The following DPYD variants were observed in gnomAD, a reference collection of about 807,000 sequenced individuals.
DPYD encodes dihydropyrimidine dehydrogenase.
DPYD carries 109 observed loss-of-function variants against 116.2 expected under a neutral mutation model. The ratio of observed to expected loss-of-function variants is 0.94; its 90% CI spans 0.80 to 1.10. The LOEUF (loss-of-function observed/expected upper bound fraction) is 1.10. DPYD is among the 50% of genes least tolerant of loss of function. The probability of loss-of-function intolerance (pLI) is 0.00; values close to 1 mark genes in which losing one functional copy is unlikely to be tolerated. For missense variants in DPYD, 1,302 were observed against 1,254.5 expected, an observed-to-expected ratio of 1.04 and a Z score of -0.57; for synonymous variants, 440 against 432.0, an observed-to-expected ratio of 1.02 and a Z score of -0.23.
intron 20 of DPYD, among the ~76,000 whole-genome samples, chr1:97,166,868 A>T (rs57088535): frequency 1.1e-3 from 161 of 152,330 alleles, no homozygotes; most frequent in African/African-American, 3.8e-3. Flanking sequence ...TTCAAAGTTT[A>T]AAAAAGCAGA....
intron 18 of DPYD, among the ~76,000 whole-genome samples, chr1:97,255,135 T>A (rs1293869615): frequency 6.6e-6 from 1 of 152,158 alleles, no homozygotes; most frequent in African/African-American, 2.4e-5. Flanking sequence ...AAAGATAATA[T>A]ATGTTTTATT....
At chr1:97,583,367 G>A (rs1180063560) in intron 10 of DPYD, among the ~76,000 whole-genome samples, 1 of 152,086 alleles carries the variant, frequency 6.6e-6, no homozygotes, top group Non-Finnish European at 1.5e-5. Flanking sequence ...TGCACAATGT[G>A]CAGGTTAGTT....
At chr1:97,482,226 T>C (rs1445405496) in intron 13 of DPYD, among the ~76,000 whole-genome samples, 2 of 152,190 alleles carry the variant, frequency 1.3e-5, no homozygotes, top group East Asian at 3.8e-4. Flanking sequence ...TGTGGATGTA[T>C]CCAGTTCTTC....
intron 12 of DPYD, among the ~76,000 whole-genome samples, chr1:97,529,515 AAAC>A (rs1309733589): frequency 6.6e-6 from 1 of 152,180 alleles, no homozygotes; most frequent in African/African-American, 2.4e-5. Flanking sequence ...AGTCTACAAT[AAAC>A]ATAATTAATG....
At chr1:97,083,375 T>A (rs1649299553) in intron 21 of DPYD, among the ~76,000 whole-genome samples, 1 of 152,214 alleles carries the variant, frequency 6.6e-6, no homozygotes, top group Non-Finnish European at 1.5e-5. Flanking sequence ...CATATTCTCT[T>A]TGGTATTGCA....
chr1:97,522,075 G>A (rs1243987610), intron 12 of DPYD, among the ~76,000 whole-genome samples: 1 of 152,096 alleles, frequency 6.6e-6, no homozygotes, highest in African/African-American at 2.4e-5. Flanking sequence ...CTAAACTAAA[G>A]AGCTTCTGCA....
chr1:97,874,478 C>A (rs1671808253), intron 2 of DPYD, among the ~76,000 whole-genome samples: 1 of 151,796 alleles, frequency 6.6e-6, no homozygotes, highest in African/African-American at 2.4e-5. Context: ...ATACCATAAG[C>A]AAATTGATCT....
At chr1:97,500,992 A>G (rs1223676532) in intron 13 of DPYD, among the ~76,000 whole-genome samples, 1 of 152,068 alleles carries the variant, frequency 6.6e-6, no homozygotes, top group African/African-American at 2.4e-5. Flanking sequence ...TTAGCAGGCA[A>G]TTAGTCAACA....
intron 8 of DPYD, among the ~76,000 whole-genome samples, chr1:97,641,011 GA>G (rs1272845129): frequency 6.6e-6 from 1 of 152,114 alleles, no homozygotes. Context: ...TCTTCAATTT[GA>G]AAAGGGAGCC....
At chr1:97,230,381 G>A (rs1292902083) in intron 19 of DPYD, among the ~76,000 whole-genome samples, 1 of 152,150 alleles carries the variant, frequency 6.6e-6, no homozygotes, top group African/African-American at 2.4e-5. Context: ...GGTAATACAG[G>A]AACGGACAAC....
At chr1:97,466,977 A>C (rs2101839584) in intron 13 of DPYD, among the ~76,000 whole-genome samples, 1 of 152,358 alleles carries the variant, frequency 6.6e-6, no homozygotes, top group South Asian at 2.1e-4. Context: ...ATGGAAATAA[A>C]GGAAAAACTT....
chr1:97,123,589 G>A (rs550367411), intron 20 of DPYD, among the ~76,000 whole-genome samples: 37 of 151,998 alleles, frequency 2.4e-4, no homozygotes, highest in African/African-American at 8.9e-4. Flanking sequence ...TTTCTTTATT[G>A]GTCCTTTGAA....
intron 3 of DPYD, among the ~76,000 whole-genome samples, chr1:97,807,206 G>C (rs1431679422): frequency 1.3e-5 from 2 of 152,072 alleles, no homozygotes; most frequent in African/African-American, 4.8e-5. Flanking sequence ...TGGATAGTAA[G>C]AGTATGTTTA....
At chr1:97,868,801 C>T (rs1156562107) in intron 2 of DPYD, among the ~76,000 whole-genome samples, 1 of 151,730 alleles carries the variant, frequency 6.6e-6, no homozygotes, top group Non-Finnish European at 1.5e-5. Context: ...TAACATATCC[C>T]ATAAAAATAA....
intron 8 of DPYD, among the ~76,000 whole-genome samples, chr1:97,667,817 G>A (rs1659645305): frequency 6.6e-6 from 1 of 152,040 alleles, no homozygotes; most frequent in Non-Finnish European, 1.5e-5. Context: ...ACCATCCAAT[G>A]TCCATTGATT....
At chr1:97,275,550 G>T (rs1387640815) in intron 18 of DPYD, among the ~76,000 whole-genome samples, 1 of 152,130 alleles carries the variant, frequency 6.6e-6, no homozygotes, top group Non-Finnish European at 1.5e-5. Flanking sequence ...ACAAACATTT[G>T]TCATTCAGGG....
chr1:97,671,813 A>T (rs1659874955), intron 8 of DPYD, among the ~76,000 whole-genome samples: 1 of 152,072 alleles, frequency 6.6e-6, no homozygotes, highest in African/African-American at 2.4e-5. Context: ...CAAAAATGAC[A>T]AAAGGAAAAC....
intron 12 of DPYD, among the ~76,000 whole-genome samples, chr1:97,534,605 G>A (rs1380507628): frequency 6.6e-6 from 1 of 151,624 alleles, no homozygotes; most frequent in Non-Finnish European, 1.5e-5. Flanking sequence ...ATCTCTTTGA[G>A]GATATTTAAC....
chr1:97,477,338 G>A (rs923316086), intron 13 of DPYD, among the ~76,000 whole-genome samples: 10 of 152,132 alleles, frequency 6.6e-5, no homozygotes, highest in Admixed American at 2.0e-4. Context: ...TGAGATTGCA[G>A]GAATTAAGTC....
Sources: gnomAD v4.1 joint callset for allele counts (sites outside exome capture counted in the v4.1 genomes callset) on GRCh38, gnomAD v4.1.1 for gene constraint, MANE v1.5 for transcripts, NCBI Gene and HGNC (gene_info 2026-07-23, HGNC 2026-07-21) for gene names.